TSHZ2: variants seen among roughly 807,000 people sequenced by gnomAD.
The protein encoded by TSHZ2 is teashirt zinc finger homeobox 2.
A neutral mutation model predicts 74.4 loss-of-function variants in TSHZ2; 21 were observed. The ratio of observed to expected loss-of-function variants is 0.28; its 90% confidence interval spans 0.20 to 0.41. TSHZ2 has a LOEUF of 0.41. Ranked by LOEUF, TSHZ2 falls within the 10% of genes least tolerant of loss-of-function variation. The probability of loss-of-function intolerance (pLI) is 1.00; values close to 1 mark genes in which losing one functional copy is unlikely to be tolerated. For missense variants in TSHZ2, 1,244 were observed against 1,293.5 expected (o/e 0.96, Z 0.59); for synonymous variants, 540 against 515.3 (o/e 1.05, Z -0.65).
At chr20:53,229,746 G>A (rs1989775187) in intron 1 of TSHZ2, among the ~76,000 whole-genome samples, 1 of 150,380 alleles carries the variant, frequency 6.6e-6, no homozygotes, top group South Asian at 2.1e-4. Context: ...GTGGCTGACA[G>A]AATCGAAAGA....
chr20:53,000,080 A>G (rs960738521), intron 1 of TSHZ2, among the ~76,000 whole-genome samples: 1 of 152,164 alleles, frequency 6.6e-6, no homozygotes, highest in African/African-American at 2.4e-5. Context: ...TTTCTGTCTC[A>G]CTCACCATTA....
intron 2 of TSHZ2, among the ~76,000 whole-genome samples, chr20:53,429,173 T>C (rs555988237): frequency 6.6e-6 from 1 of 152,330 alleles, no homozygotes; most frequent in African/African-American, 2.4e-5. Flanking sequence ...GAAATCTGCC[T>C]TTACGGGACT....
chr20:53,021,018 C>G (rs2123032815), intron 1 of TSHZ2, among the ~76,000 whole-genome samples: 1 of 139,744 alleles, frequency 7.2e-6, no homozygotes, highest in South Asian at 2.3e-4. Context: ...TTGTAAAGCA[C>G]TTAGCATAGG....
chr20:53,479,728 C>T (rs1045946900), intron 2 of TSHZ2, among the ~76,000 whole-genome samples: 2 of 152,188 alleles, frequency 1.3e-5, no homozygotes, highest in Admixed American at 6.5e-5. Context: ...TTGTCCTCCA[C>T]GCCCAATGGG....
intron 1 of TSHZ2, among the ~76,000 whole-genome samples, chr20:52,994,436 G>A (rs1342858308): frequency 6.8e-6 from 1 of 146,408 alleles, no homozygotes; most frequent in Non-Finnish European, 1.5e-5. Flanking sequence ...ATGGATGGAT[G>A]AGTGAATGAA....
At position 52,982,958 on chromosome 20, in the gene TSHZ2, T is replaced by C. The variant is rs529566306; in HGVS notation, c.40+9625T>C. ...ATTAGTTGAACATAGGTCCTGTTTG[T>C]ATTTCAAAAGTGATGATGGACTTGG... On this transcript the variant is annotated intron_variant, in intron 1 of 2. Transcript: ENST00000371497. Among the ~76,000 whole-genome samples the C allele has an allele frequency of 2.6e-5, 4 of 152,302 alleles. No homozygotes were observed. The East Asian group carries it at 5.8e-4, about 22-fold the overall frequency.
chr20:53,464,437 G>A lies in TSHZ2; in HGVS notation c.*9-22707G>A, dbSNP rs551475741. Reference sequence around the variant, plus strand: ...CCCTTCAGGCAGGGGTAGAACAGGAGCAAAGGCTGTGAGGAGGGAAGGAGC... The same window carrying A: ...CCCTTCAGGCAGGGGTAGAACAGGAACAAAGGCTGTGAGGAGGGAAGGAGC... On this transcript the variant is annotated intron_variant, in intron 2 of 2. Transcript: ENST00000371497. Among the ~76,000 whole-genome samples the A allele has an allele frequency of 8.5e-5, 13 of 152,172 alleles. No homozygotes were observed. In the South Asian group the frequency reaches 2.7e-3, roughly 32 times the overall value.
At chr20:53,428,443 T>C (rs2145728135) in intron 2 of TSHZ2, among the ~76,000 whole-genome samples, 1 of 152,354 alleles carries the variant, frequency 6.6e-6, no homozygotes, top group Non-Finnish European at 1.5e-5. Context: ...TTTCCCACTT[T>C]GATGTATAAG....
At chr20:53,203,733 A>C (rs1451557902) in intron 1 of TSHZ2, among the ~76,000 whole-genome samples, 4 of 152,066 alleles carry the variant, frequency 2.6e-5, no homozygotes, top group African/African-American at 9.7e-5. Context: ...TTTATGCGAA[A>C]TCTCCTGATT....
intron 1 of TSHZ2, among the ~76,000 whole-genome samples, chr20:53,192,575 A>C (rs950643828): frequency 7.9e-5 from 12 of 151,206 alleles, no homozygotes; most frequent in Non-Finnish European, 1.3e-4. Flanking sequence ...AAAAAAAAAA[A>C]AAACCCACAA....
At chr20:53,431,521 T>C (rs1392610992) in intron 2 of TSHZ2, among the ~76,000 whole-genome samples, 1 of 152,018 alleles carries the variant, frequency 6.6e-6, no homozygotes, top group East Asian at 1.9e-4. Context: ...TGCCACCTAG[T>C]AATAATAACA....
chr20:52,999,411 G>A (rs919244473), intron 1 of TSHZ2, among the ~76,000 whole-genome samples: 3 of 152,208 alleles, frequency 2.0e-5, no homozygotes, highest in Admixed American at 6.5e-5. Flanking sequence ...GGTGAGGGAA[G>A]GGGGCTATAA....
rs1990381758 is a variant in TSHZ2, at chr20:53,253,605, G to A, written c.147G>A (p.Gly49=). 2.5e-6 allele frequency: 4 copies of A among 1,614,044 alleles called. No homozygotes were observed. The highest frequency in any genetic ancestry group is 3.4e-6 in the Non-Finnish European group (4 of 1,180,042). ...VAQLQGGNDT[G]TDEELETGPE... ...AACTGCAGGGTGGCAATGACACAGG[G>A]ACGGACGAGGAGCTAGAAACGGGCC... The change falls in exon 2 of 3, where the codon GGG becomes GGA. Residue 49 remains glycine (G), a synonymous_variant. Transcript: ENST00000371497.
intron 1 of TSHZ2, among the ~76,000 whole-genome samples, chr20:52,982,341 C>A (rs905944904): frequency 2.0e-5 from 3 of 152,064 alleles, no homozygotes; most frequent in South Asian, 2.1e-4. Context: ...CAGGAAGGAC[C>A]CAAGGAAGAA....
Position 53,210,667 on chromosome 20 carries a change from G to T in TSHZ2, c.41-42832G>T, listed in dbSNP as rs151023154. Among the ~76,000 whole-genome samples, 467 of 152,112 alleles carry T rather than the reference G, an allele frequency of 3.1e-3. 3 individuals are homozygous for T. Among genetic ancestry groups the T allele is most frequent in the Non-Finnish European group, 4.9e-3 (330 of 67,990 alleles). ...GGAGGACCAAAAAGCAACACTTTGG[G>T]TGTAAGAACAGAAATGCCTGTTCCC... On this transcript the variant is annotated intron_variant, in intron 1 of 2. Coordinates refer to ENST00000371497, the MANE Select transcript of TSHZ2 (RefSeq NM_173485.6).
At chr20:53,150,579 T>C (rs1320366982) in intron 1 of TSHZ2, among the ~76,000 whole-genome samples, 1 of 151,972 alleles carries the variant, frequency 6.6e-6, no homozygotes, top group East Asian at 1.9e-4. Context: ...CAGGGAGTGT[T>C]GGTGGCTTCT....
chr20:53,220,313 C>A (rs1248637359), intron 1 of TSHZ2, among the ~76,000 whole-genome samples: 1 of 152,194 alleles, frequency 6.6e-6, no homozygotes, highest in African/African-American at 2.4e-5. Context: ...CACATACATA[C>A]ACACGTTCAT....
intron 2 of TSHZ2, among the ~76,000 whole-genome samples, chr20:53,462,977 G>A (rs1048757251): frequency 7.2e-5 from 11 of 152,116 alleles, no homozygotes; most frequent in African/African-American, 2.7e-4. Flanking sequence ...TGTTGTGGGG[G>A]CCTCTCTGTT....
In TSHZ2 at chr20:53,280,688, TGG is replaced by T. The variant is rs530870598; in HGVS notation, c.*8+24121_*8+24122del. On this transcript the variant is annotated intron_variant, in intron 2 of 2. Transcript: ENST00000371497. Reference sequence around the variant, plus strand: ...TTTTTGTTGTTGTTGTTGTTGTGTGTGGGGGTTTTTTTGTGTGTTTTTTTGAG... The same window carrying T: ...TTTTTGTTGTTGTTGTTGTTGTGTGTGGGTTTTTTTGTGTGTTTTTTTGAG... Among the ~76,000 whole-genome samples, 859 of 146,988 alleles carry T rather than the reference TGG, an allele frequency of 5.8e-3. 10 individuals carry two copies. Among genetic ancestry groups the T allele is most frequent in the African/African-American group, 0.021 (810 of 38,648 alleles).
Sources: gnomAD v4.1 joint callset for allele counts (sites outside exome capture counted in the v4.1 genomes callset) on GRCh38, gnomAD v4.1.1 for gene constraint, MANE v1.5 for transcripts, NCBI Gene and HGNC (gene_info 2026-07-23, HGNC 2026-07-21) for gene names.